Variants in DPY19L1 observed in about 807,000 individuals in gnomAD.
DPY19L1 encodes the protein protein C-mannosyl-transferase DPY19L1.
Under a neutral mutation model 96.9 loss-of-function variants are expected in DPY19L1, and 35 were observed. The ratio of observed to expected loss-of-function variants is 0.36; its 90% CI spans 0.28 to 0.48. The LOEUF is 0.48. Ranked by LOEUF, DPY19L1 falls within the 20% of genes least tolerant of loss-of-function variation. The pLI, the probability that DPY19L1 is intolerant of heterozygous loss-of-function variation, is 0.99. For synonymous variants in DPY19L1, 205 were observed against 252.6 expected, an observed-to-expected ratio of 0.81 and a Z score of 1.79; for missense variants, 521 against 777.9, an observed-to-expected ratio of 0.67 and a Z score of 3.93.
chr7:34,960,429 A>T (rs1295344350), intron 10 of DPY19L1, among the ~76,000 whole-genome samples: 1 of 152,102 alleles, frequency 6.6e-6, no homozygotes, highest in African/African-American at 2.4e-5. Flanking sequence ...TGTTTTATCA[A>T]GAATCTTCAT....
At position 34,929,550 on chromosome 7, in the gene DPY19L1, G is replaced by C. The variant is rs956825981; in HGVS notation, c.*2023C>G. The stretch of plus-strand genomic sequence containing the variant: ...GAACTTCTTTGGAAGGAAATTACTG[G>C]GGGTGAGAAAAATATAAAATAAATG... On this transcript the variant is annotated 3_prime_UTR_variant, in exon 22 of 22. Transcript: ENST00000638088. The C allele has an allele frequency of 6.6e-6, 1 of 152,024 alleles. No homozygotes were observed. Among genetic ancestry groups the C allele is most frequent in the Non-Finnish European group, 1.5e-5 (1 of 67,994 alleles). The allele number at this position is 152,024 out of a possible 1,614,324, so 9.4% of individuals were successfully genotyped here.
upstream of DPY19L1, chr7:35,037,668 G>C: frequency 3.9e-6 from 1 of 256,222 alleles, no homozygotes; most frequent in Non-Finnish European, 6.2e-6. Flanking sequence ...CGGAACGCCG[G>C]GGGGCGGGGG....
chr7:34,991,160 C>T (rs757951901), intron 6 of DPY19L1, among the ~76,000 whole-genome samples: 12 of 152,156 alleles, frequency 7.9e-5, no homozygotes, highest in African/African-American at 2.7e-4. Flanking sequence ...CAGAGTGAAA[C>T]GATGGCAGCA....
At chr7:34,996,224 T>A (rs1336119353) in intron 6 of DPY19L1, among the ~76,000 whole-genome samples, 1 of 152,232 alleles carries the variant, frequency 6.6e-6, no homozygotes, top group Non-Finnish European at 1.5e-5. Context: ...CTGGCATTCC[T>A]TTTTTGAAAG....
intron 6 of DPY19L1, among the ~76,000 whole-genome samples, chr7:35,000,051 T>C (rs1785386020): frequency 6.6e-6 from 1 of 152,288 alleles, no homozygotes; most frequent in East Asian, 1.9e-4. Context: ...AAGATATGCA[T>C]GTATATACAA....
At chr7:35,014,221 C>G (rs1236571628) in intron 3 of DPY19L1, among the ~76,000 whole-genome samples, 1 of 152,134 alleles carries the variant, frequency 6.6e-6, no homozygotes, top group African/African-American at 2.4e-5. Flanking sequence ...ATATGAATTT[C>G]ACTCGGGTGC....
Position 34,940,264 on chromosome 7 carries a change from T to C in DPY19L1, c.1753A>G (p.Met585Val). The change falls in exon 19 of 22, where the codon ATG (methionine) becomes GTG (valine). Residue 585 changes from methionine (M) to valine (V), a missense_variant. By Grantham distance (21) the Met-to-Val change is conservative. Coordinates refer to ENST00000638088, the MANE Select transcript of DPY19L1 (RefSeq NM_001366673.1). ...GAIVFAILAA[M>V]SIQGSANLQT... ...AGATTTGCTGAACCTTGTATTGACA[T>C]TGCTGCTAATATAGCAAACACAATA... The C allele has an allele frequency of 6.2e-7, 1 of 1,612,526 alleles. No homozygotes were observed. The highest frequency in any genetic ancestry group is 8.5e-7 in the Non-Finnish European group (1 of 1,179,864).
intron 3 of DPY19L1, among the ~76,000 whole-genome samples, chr7:35,016,027 A>G (rs1219355484): frequency 1.3e-5 from 2 of 152,144 alleles, no homozygotes; most frequent in African/African-American, 4.8e-5. Context: ...TCTTGTTTCC[A>G]TTTAAAAAAT....
intron 1 of DPY19L1, among the ~76,000 whole-genome samples, chr7:35,032,727 A>AC (rs1786290582): frequency 6.6e-6 from 1 of 151,686 alleles, no homozygotes; most frequent in South Asian, 2.1e-4. Context: ...CCTCATCCAT[A>AC]CCCCTAGTCT....
chr7:34,960,439 T>A (rs1784478614), intron 10 of DPY19L1, among the ~76,000 whole-genome samples: 1 of 152,146 alleles, frequency 6.6e-6, no homozygotes, highest in Non-Finnish European at 1.5e-5. Context: ...AGAATCTTCA[T>A]ATTTTGATTG....
At chr7:34,957,427 T>C (rs912819300) in intron 11 of DPY19L1, among the ~76,000 whole-genome samples, 23 of 152,154 alleles carry the variant, frequency 1.5e-4, no homozygotes, top group African/African-American at 4.6e-4. Flanking sequence ...TCCTGCCATA[T>C]GTAGCAGAAA....
intron 14 of DPY19L1, 35 bp from the exon 15 acceptor site, chr7:34,947,736 C>T (rs1377099867): frequency 2.0e-6 from 3 of 1,529,242 alleles, no homozygotes; most frequent in Non-Finnish European, 1.8e-6. Flanking sequence ...TAGAAGGAAA[C>T]ATTTTAACCA....
Position 34,940,150 on chromosome 7 carries a change from T to TTA in DPY19L1, c.1864+2_1864+3insTA. 6.8e-7 allele frequency: 1 copy of TTA among 1,462,554 alleles called. No individual in the cohort carries two copies. Among genetic ancestry groups the TTA allele is most frequent in the South Asian group, 1.4e-5 (1 of 70,814 alleles). 90.6% of individuals were successfully genotyped at this position (1,462,554 alleles called of 1,614,324 possible). ...ACTTTTTTTTTCTTTTTTTTTTTTT[T>TTA]ACCTGGTTTAGTACTATATTTGATC... On this transcript the variant is annotated splice_region_variant and intron_variant, in intron 19 of 21. Transcript: ENST00000638088.
chr7:35,009,265 A>G (rs1212907058), intron 6 of DPY19L1, among the ~76,000 whole-genome samples: 1 of 152,254 alleles, frequency 6.6e-6, no homozygotes, highest in Non-Finnish European at 1.5e-5. Flanking sequence ...AGATAATGCG[A>G]TAATAGCAAA....
chr7:34,938,821 C>A (rs866345773), intron 20 of DPY19L1, among the ~76,000 whole-genome samples: 50 of 152,150 alleles, frequency 3.3e-4, no homozygotes, highest in Middle Eastern at 3.4e-3. Context: ...ACATAAAACA[C>A]CCAAGATCAT....
At chr7:35,000,011 A>G (rs1785385145) in intron 6 of DPY19L1, among the ~76,000 whole-genome samples, 1 of 152,226 alleles carries the variant, frequency 6.6e-6, no homozygotes, top group African/African-American at 2.4e-5. Flanking sequence ...CCACTGACGT[A>G]CTTGATTATA....
chr7:34,963,173 C>T (rs1375039645), intron 10 of DPY19L1, among the ~76,000 whole-genome samples: 2 of 121,858 alleles, frequency 1.6e-5, no homozygotes, highest in East Asian at 2.4e-4. Context: ...CCAGCCTGGG[C>T]GACAGAGCGA....
At chr7:34,977,196 T>C (rs1784848932) in intron 7 of DPY19L1, among the ~76,000 whole-genome samples, 1 of 152,202 alleles carries the variant, frequency 6.6e-6, no homozygotes, top group African/African-American at 2.4e-5. Flanking sequence ...TATGACTTGA[T>C]TTATTACGAT....
intron 1 of DPY19L1, among the ~76,000 whole-genome samples, chr7:35,028,239 C>T (rs1348618790): frequency 6.6e-6 from 1 of 152,142 alleles, no homozygotes; most frequent in Non-Finnish European, 1.5e-5. Flanking sequence ...ATGTTAAGCA[C>T]ATTCAACGAA....
Sources: allele counts gnomAD v4.1 joint callset (sites outside exome capture counted in the v4.1 genomes callset), GRCh38; gene constraint gnomAD v4.1.1; transcripts MANE v1.5; gene names NCBI Gene and HGNC (gene_info 2026-07-23, HGNC 2026-07-21).